The following CSMD1 variants were observed in gnomAD, a reference collection of about 807,000 sequenced individuals.
CSMD1 encodes CUB and Sushi multiple domains 1.
CSMD1 carries 213 observed loss-of-function variants against 417.5 expected under a neutral mutation model. That is an observed-to-expected ratio of 0.51 (90% CI 0.46 to 0.57). The LOEUF (loss-of-function observed/expected upper bound fraction) is 0.57. Among genes scored for constraint, CSMD1 ranks in the 20% least tolerant of loss-of-function variants. The probability of loss-of-function intolerance (pLI) is 0.00; values close to 1 mark genes in which losing one functional copy is unlikely to be tolerated. For synonymous variants in CSMD1, 2,862 were observed against 1,736.8 expected (o/e 1.65, Z -16.11); for missense variants, 6,923 against 4,529.7 (o/e 1.53, Z -15.17).
chr8:4,413,391 T>G (rs1454494546), intron 3 of CSMD1, among the ~76,000 whole-genome samples: 3 of 152,152 alleles, frequency 2.0e-5, no homozygotes, highest in Admixed American at 1.3e-4. Context: ...AGGTAGCACA[T>G]AAGCCTCGCT....
intron 2 of CSMD1, 139 bp from the exon 3 acceptor site, chr8:4,420,204 CA>C (rs1276813716): frequency 3.8e-6 from 2 of 526,070 alleles, no homozygotes; most frequent in African/African-American, 1.9e-5. Context: ...ATAATCCATA[CA>C]CATAGCTTTG....
At chr8:3,317,802 A>G (rs1423637155) in intron 23 of CSMD1, among the ~76,000 whole-genome samples, 1 of 152,218 alleles carries the variant, frequency 6.6e-6, no homozygotes, top group Non-Finnish European at 1.5e-5. Flanking sequence ...TTGCTACTGT[A>G]TAAGTGAACT....
At chr8:3,245,830 G>T (rs539349592) in intron 26 of CSMD1, among the ~76,000 whole-genome samples, 1 of 152,174 alleles carries the variant, frequency 6.6e-6, no homozygotes, top group Admixed American at 6.5e-5. Flanking sequence ...TTGAGAACAA[G>T]TCTGTAATGA....
intron 3 of CSMD1, among the ~76,000 whole-genome samples, chr8:4,043,766 C>A (rs1455397794): frequency 6.6e-6 from 1 of 152,150 alleles, no homozygotes; most frequent in African/African-American, 2.4e-5. Context: ...TGAGCTCTTT[C>A]AAATGCTGGA....
At chr8:4,296,440 A>G (rs1797686017) in intron 3 of CSMD1, among the ~76,000 whole-genome samples, 1 of 152,186 alleles carries the variant, frequency 6.6e-6, no homozygotes, top group Non-Finnish European at 1.5e-5. Flanking sequence ...ATAGCATGGC[A>G]TTTGGACTCA....
rs118041485 is a variant in CSMD1, at chr8:4,222,706, C to T, written c.416-190607G>A. On this transcript the variant is annotated intron_variant, in intron 3 of 69. Transcript: ENST00000635120. ...TATTCAGTTATGCCTCTATCTGGTT[C>T]GCTTCTGTAGGTGATAAAAAGTGGT... 2.2e-3 allele frequency among the ~76,000 whole-genome samples: 336 copies of T among 152,234 alleles called. 5 individuals carry two copies. In the East Asian group the frequency reaches 0.05, roughly 23 times the overall value.
chr8:3,787,645 G>C (rs890444157), intron 5 of CSMD1, among the ~76,000 whole-genome samples: 1 of 152,084 alleles, frequency 6.6e-6, no homozygotes, highest in Non-Finnish European at 1.5e-5. Flanking sequence ...GGAGAAATAA[G>C]GCAGCTTGGT....
intron 2 of CSMD1, among the ~76,000 whole-genome samples, chr8:4,450,278 G>A (rs113144692): frequency 2.6e-5 from 4 of 152,276 alleles, no homozygotes; most frequent in South Asian, 4.1e-4. Context: ...ACACAACATG[G>A]GAGAAAGCTG....
chr8:3,608,965 C>G (rs752410114), intron 8 of CSMD1, among the ~76,000 whole-genome samples: 7 of 152,092 alleles, frequency 4.6e-5, no homozygotes, highest in Non-Finnish European at 7.4e-5. Flanking sequence ...TCAACCATAC[C>G]TTGACTCCTC....
intron 1 of CSMD1, among the ~76,000 whole-genome samples, chr8:4,967,103 ATT>A: frequency 6.6e-6 from 1 of 152,266 alleles, no homozygotes; most frequent in African/African-American, 2.4e-5. Context: ...GAGCAGATAA[ATT>A]TGTCTTAAAA....
chr8:3,211,269 T>A (rs551459141), intron 30 of CSMD1, among the ~76,000 whole-genome samples: 2 of 152,272 alleles, frequency 1.3e-5, no homozygotes, highest in East Asian at 3.9e-4. Flanking sequence ...AGTCTTGAAT[T>A]CTGGTCCTCA....
chr8:4,301,125 TGAG>T (rs1222653569), intron 3 of CSMD1, among the ~76,000 whole-genome samples: 1 of 152,182 alleles, frequency 6.6e-6, no homozygotes, highest in Non-Finnish European at 1.5e-5. Context: ...TGCCCGTGTT[TGAG>T]GAGAGGAATG....
intron 2 of CSMD1, among the ~76,000 whole-genome samples, chr8:4,510,978 A>G (rs1802790913): frequency 6.6e-6 from 1 of 151,138 alleles, no homozygotes; most frequent in Non-Finnish European, 1.5e-5. Flanking sequence ...AATATACTTG[A>G]CAATCTCTAA....
At position 3,362,909 on chromosome 8, in the gene CSMD1, G is replaced by T. The variant is rs563039849; in HGVS notation, c.3116-3569C>A. 1.5e-4 allele frequency among the ~76,000 whole-genome samples: 23 copies of T among 152,292 alleles called. No individual in the cohort carries two copies. The South Asian group carries it at 2.5e-3, about 16-fold the overall frequency. Reference sequence around the variant, plus strand: ...GTAACATGTTCCTGTTGAGACTCACGCATTGTCTTTCAAGTAAACATTGAA... The same window carrying T: ...GTAACATGTTCCTGTTGAGACTCACTCATTGTCTTTCAAGTAAACATTGAA... On this transcript the variant is annotated intron_variant, in intron 20 of 69. Transcript: ENST00000635120.
chr8:3,924,631 G>C (rs909666628), intron 5 of CSMD1, among the ~76,000 whole-genome samples: 2 of 152,036 alleles, frequency 1.3e-5, no homozygotes, highest in Non-Finnish European at 2.9e-5. Context: ...TTTCTGATTG[G>C]TTGAGTCTGC....
intron 39 of CSMD1, among the ~76,000 whole-genome samples, chr8:3,153,934 G>C (rs911983343): frequency 6.6e-6 from 1 of 152,158 alleles, no homozygotes; most frequent in Non-Finnish European, 1.5e-5. Context: ...CGTAAAAACA[G>C]AGCTCCCAAA....
intron 1 of CSMD1, among the ~76,000 whole-genome samples, chr8:4,961,047 A>G (rs907380487): frequency 1.3e-5 from 2 of 152,016 alleles, no homozygotes; most frequent in African/African-American, 2.4e-5. Context: ...TTCTCACCCT[A>G]CGAAATAGTC....
intron 1 of CSMD1, among the ~76,000 whole-genome samples, chr8:4,737,887 T>C (rs544030307): frequency 6.6e-6 from 1 of 152,260 alleles, no homozygotes; most frequent in East Asian, 1.9e-4. Context: ...TAATCCCAGA[T>C]AATAAGGAAA....
chr8:4,185,566 G>A (rs1007730333), intron 3 of CSMD1, among the ~76,000 whole-genome samples: 1 of 151,994 alleles, frequency 6.6e-6, no homozygotes, highest in Non-Finnish European at 1.5e-5. Context: ...ACACACAAAT[G>A]GATCAAAAGT....
Sources: gnomAD v4.1 joint callset for allele counts (sites outside exome capture counted in the v4.1 genomes callset) on GRCh38, gnomAD v4.1.1 for gene constraint, MANE v1.5 for transcripts, NCBI Gene and HGNC (gene_info 2026-07-23, HGNC 2026-07-21) for gene names.